Variants in ZNF503 observed in about 807,000 individuals in gnomAD.
The protein encoded by ZNF503 is NocA-like zinc finger 2.
In ZNF503, 15 loss-of-function variants were observed where a neutral mutation model predicts 34.4. The ratio of observed to expected loss-of-function variants is 0.44; its 90% confidence interval spans 0.29 to 0.67. The LOEUF is 0.67. ZNF503 is among the 30% of genes least tolerant of loss of function. ZNF503 has a pLI of 0.13. For missense variants in ZNF503, 1,007 were observed against 926.8 expected (o/e 1.09, Z -1.12); for synonymous variants, 580 against 456.8 (o/e 1.27, Z -3.44).
chr10:75,328,498 A>G, the ZNF503 span, among the ~76,000 whole-genome samples: 7 of 152,266 alleles, frequency 4.6e-5, no homozygotes, highest in South Asian at 2.1e-4. Flanking sequence ...TTTGGTTGCT[A>G]TAGCTTGTAG....
chr10:75,358,031 T>C, the ZNF503 span, among the ~76,000 whole-genome samples: 1 of 152,184 alleles, frequency 6.6e-6, no homozygotes, highest in Admixed American at 6.5e-5. Context: ...TTTCCTTTTT[T>C]CCTTCCTCCA....
chr10:75,382,897 C>T, the ZNF503 span: 5 of 244,624 alleles, frequency 2.0e-5, no homozygotes, highest in South Asian at 1.4e-4. Context: ...GAGCTGGTGC[C>T]GCTGGTCCAG....
the ZNF503 span, among the ~76,000 whole-genome samples, chr10:75,352,411 T>G: frequency 7.2e-6 from 1 of 138,746 alleles, no homozygotes; most frequent in African/African-American, 2.5e-5. Context: ...CTAGTCAATA[T>G]CCTCTGAAGC....
the ZNF503 span, chr10:75,382,571 A>T: frequency 4.3e-6 from 2 of 462,236 alleles, no homozygotes; most frequent in African/African-American, 2.1e-5. Flanking sequence ...CTTCCCAGAT[A>T]TTGGAGAGTT....
At chr10:75,312,163 C>T in the ZNF503 span, among the ~76,000 whole-genome samples, 21 of 152,122 alleles carry the variant, frequency 1.4e-4, no homozygotes, top group African/African-American at 4.1e-4. Flanking sequence ...GCTGAGATCA[C>T]GCCACTGTAC....
Position 75,401,265 on chromosome 10 carries a change from C to A in ZNF503, c.155G>T (p.Ser52Ile), listed in dbSNP as rs1367863219. The A allele has an allele frequency of 6.3e-7, 1 of 1,597,112 alleles. No homozygotes were observed. The highest frequency in any genetic ancestry group is 2.3e-5 in the East Asian group (1 of 44,036). ...GPGPGSSPAG[S>I]TKPFVHAVPP... ...CACGGCGTGCACAAAAGGCTTGGTGCTGCCGGCCGGGGACGAGCCTGGGCC... is the reference window on the plus strand; with the variant it reads ...CACGGCGTGCACAAAAGGCTTGGTGATGCCGGCCGGGGACGAGCCTGGGCC... Residue 52 changes from serine to isoleucine, a missense_variant, in exon 1 of 2, where the codon AGC becomes ATC. By Grantham distance (142) the Ser-to-Ile change is moderately radical (BLOSUM62 -2). Transcript: ENST00000372524.
chr10:75,346,011 A>C, the ZNF503 span, among the ~76,000 whole-genome samples: 1 of 152,270 alleles, frequency 6.6e-6, no homozygotes, highest in Non-Finnish European at 1.5e-5. Flanking sequence ...CTCTTGTGGC[A>C]GCTGACTGAT....
the ZNF503 span, chr10:75,295,563 A>C: frequency 3.3e-5 from 5 of 152,322 alleles, no homozygotes; most frequent in African/African-American, 1.2e-4. The surrounding 1 kb of genome is among the most constrained non-coding windows in gnomAD (Gnocchi z 4.0). Flanking sequence ...GCAGATGGAA[A>C]TTTCGAGCAA....
At chr10:75,302,922 A>G in the ZNF503 span, among the ~76,000 whole-genome samples, 25 of 152,316 alleles carry the variant, frequency 1.6e-4, no homozygotes, top group African/African-American at 6.0e-4. Flanking sequence ...AAAGTTTAGT[A>G]GTCTTCATTA....
At chr10:75,374,327 CA>C in the ZNF503 span, among the ~76,000 whole-genome samples, 23 of 152,246 alleles carry the variant, frequency 1.5e-4, 1 homozygote, top group African/African-American at 5.5e-4. Context: ...AACAAACAAA[CA>C]AAAAACAAAG....
the ZNF503 span, among the ~76,000 whole-genome samples, chr10:75,340,324 T>C: frequency 6.6e-6 from 1 of 152,198 alleles, no homozygotes. Context: ...GGAGTGTAAA[T>C]TTGTCTGGTC....
the ZNF503 span, among the ~76,000 whole-genome samples, chr10:75,337,328 T>C: frequency 2.2e-5 from 3 of 138,980 alleles, no homozygotes; most frequent in Non-Finnish European, 3.1e-5. Flanking sequence ...AAACCTGTCT[T>C]AAAAAAAAAT....
At chr10:75,376,418 C>T in the ZNF503 span, among the ~76,000 whole-genome samples, 3 of 152,210 alleles carry the variant, frequency 2.0e-5, no homozygotes, top group East Asian at 3.9e-4. Context: ...CTGAGGTAGG[C>T]GGATCACTTG....
the ZNF503 span, among the ~76,000 whole-genome samples, chr10:75,355,990 G>T: frequency 3.7e-4 from 56 of 152,278 alleles, no homozygotes; most frequent in African/African-American, 1.2e-3. Context: ...CTTGTGTGTG[G>T]CCTCTCCAGA....
chr10:75,333,373 C>T, the ZNF503 span, among the ~76,000 whole-genome samples: 1 of 39,506 alleles, frequency 2.5e-5, no homozygotes, highest in African/African-American at 1.2e-4. Flanking sequence ...AGAGGCGCCC[C>T]TCACCTCCCG....
chr10:75,299,880 G>A, the ZNF503 span, among the ~76,000 whole-genome samples: 5 of 152,320 alleles, frequency 3.3e-5, no homozygotes, highest in East Asian at 9.6e-4. Context: ...AAGGCAAATA[G>A]AGGCAGGGCA....
chr10:75,296,017 A>G, the ZNF503 span, among the ~76,000 whole-genome samples: 1,257 of 152,336 alleles, frequency 8.3e-3, 5 homozygotes, highest in Non-Finnish European at 0.015. Flanking sequence ...CAGGAACTCA[A>G]TAGTAACGTG....
the ZNF503 span, among the ~76,000 whole-genome samples, chr10:75,353,862 T>A: frequency 1.3e-5 from 2 of 152,252 alleles, no homozygotes; most frequent in East Asian, 3.9e-4. Context: ...CAGTGGAGAA[T>A]AAATAAGCAA....
At chr10:75,397,124 C>T (rs910252998), downstream of ZNF503, among the ~76,000 whole-genome samples, 35 of 151,814 alleles carry the variant, frequency 2.3e-4, no homozygotes, top group African/African-American at 8.4e-4. Context: ...TGGAATAGAG[C>T]GCCGGCTGCA....
Sources: gnomAD v4.1 joint callset for allele counts (sites outside exome capture counted in the v4.1 genomes callset) on GRCh38, gnomAD v4.1.1 for gene constraint, Gnocchi (gnomAD v3.1) non-coding constraint, MANE v1.5 for transcripts, NCBI Gene and HGNC (gene_info 2026-07-23, HGNC 2026-07-21) for gene names.